PDZRN4: variants seen among roughly 807,000 people sequenced by gnomAD.
PDZRN4 encodes PDZ domain-containing RING finger protein 4.
PDZRN4 carries 70 observed loss-of-function variants against 99.0 expected under a neutral mutation model. The observed-to-expected ratio is 0.71, with a 90% CI of 0.58 to 0.86. The LOEUF (loss-of-function observed/expected upper bound fraction) is 0.86. Ranked by LOEUF, PDZRN4 falls within the 40% of genes least tolerant of loss-of-function variation. The pLI is 0.00. For synonymous variants in PDZRN4, 551 were observed against 501.6 expected (o/e 1.10, Z -1.32); for missense variants, 1,474 against 1,331.2 (o/e 1.11, Z -1.67).
At chr12:41,326,526 G>A (rs897432142) in intron 3 of PDZRN4, among the ~76,000 whole-genome samples, 11 of 152,164 alleles carry the variant, frequency 7.2e-5, no homozygotes, top group Non-Finnish European at 1.5e-4. Context: ...GAGCAAGGTT[G>A]AAGATTGAGC....
At chr12:41,431,750 A>G (rs986544753) in intron 3 of PDZRN4, among the ~76,000 whole-genome samples, 2 of 152,344 alleles carry the variant, frequency 1.3e-5, no homozygotes, top group Admixed American at 6.5e-5. Context: ...AGCAATAACT[A>G]AATGCAAATT....
At chr12:41,280,709 C>T (rs1346851040) in intron 3 of PDZRN4, among the ~76,000 whole-genome samples, 1 of 152,140 alleles carries the variant, frequency 6.6e-6, no homozygotes, top group Admixed American at 6.5e-5. Context: ...GGCAGCAGCC[C>T]CAGTCAGGGG....
intron 3 of PDZRN4, among the ~76,000 whole-genome samples, chr12:41,360,504 A>C (rs1363528615): frequency 6.6e-6 from 1 of 152,016 alleles, no homozygotes; most frequent in Non-Finnish European, 1.5e-5. Context: ...CTTTACTTTT[A>C]AAAATACCAC....
intron 5 of PDZRN4, among the ~76,000 whole-genome samples, chr12:41,541,050 G>A (rs181295008): frequency 5.9e-5 from 9 of 151,934 alleles, no homozygotes; most frequent in East Asian, 1.9e-4. Context: ...TCAGCCTCCC[G>A]AGTAGCTGGG....
rs559431713 is a variant in PDZRN4, at chr12:41,571,169, C to G, written c.1585-1195C>G. Among the ~76,000 whole-genome samples the G allele has an allele frequency of 5.2e-4, 79 of 151,944 alleles. 1 individual carries two copies. The South Asian group carries it at 0.015, about 29-fold the overall frequency. On this transcript the variant is annotated intron_variant, in intron 9 of 9. Coordinates refer to ENST00000402685, the MANE Select transcript of PDZRN4 (RefSeq NM_001164595.2). ...TCTATATATATATATAGTGAATAAA[C>G]TTAGGCATAAGGCAGATATAACCTA...
At chr12:41,514,208 G>A (rs908927220) in intron 5 of PDZRN4, among the ~76,000 whole-genome samples, 1 of 152,026 alleles carries the variant, frequency 6.6e-6, no homozygotes, top group Non-Finnish European at 1.5e-5. Context: ...TCTATAAATA[G>A]GAGTGAGCAC....
At chr12:41,349,403 C>T (rs1245905769) in intron 3 of PDZRN4, among the ~76,000 whole-genome samples, 2 of 151,604 alleles carry the variant, frequency 1.3e-5, no homozygotes, top group African/African-American at 2.4e-5. Context: ...ATAGTTAAAG[C>T]TTATAGTCAA....
intron 3 of PDZRN4, among the ~76,000 whole-genome samples, chr12:41,367,276 G>A (rs539367462): frequency 6.6e-5 from 10 of 152,182 alleles, no homozygotes; most frequent in South Asian, 6.2e-4. Context: ...TTGGGAGGCC[G>A]AGGTGGGTGG....
chr12:41,386,378 CA>C (rs35849209), intron 3 of PDZRN4, among the ~76,000 whole-genome samples: 1 of 151,820 alleles, frequency 6.6e-6, no homozygotes, highest in Non-Finnish European at 1.5e-5. Flanking sequence ...CAAACTTTGG[CA>C]AAAATTGAAT....
chr12:41,464,366 A>G (rs926228943), intron 3 of PDZRN4, among the ~76,000 whole-genome samples: 1 of 152,182 alleles, frequency 6.6e-6, no homozygotes, highest in Non-Finnish European at 1.5e-5. Flanking sequence ...TTCAAGTTCA[A>G]GTGAACAGAA....
At chr12:41,192,417 CA>C (rs1271083069) in intron 2 of PDZRN4, among the ~76,000 whole-genome samples, 2 of 152,076 alleles carry the variant, frequency 1.3e-5, no homozygotes, top group Middle Eastern at 3.4e-3. Flanking sequence ...TTGAGAAAAA[CA>C]AAAAACAACA....
chr12:41,552,644 T>C lies in PDZRN4; in HGVS notation c.1204-12T>C, dbSNP rs763860844. On this transcript the variant is annotated splice_polypyrimidine_tract_variant and intron_variant, in intron 5 of 9. Coordinates refer to ENST00000402685, the MANE Select transcript of PDZRN4 (RefSeq NM_001164595.2). ...CTGACATAAATGTCATCTGTGTGTGTTGTTCTTTCAGGAGGTCGAGTTGTG... is the reference window on the plus strand; with the variant it reads ...CTGACATAAATGTCATCTGTGTGTGCTGTTCTTTCAGGAGGTCGAGTTGTG... 29 of 1,600,874 alleles carry C rather than the reference T, an allele frequency of 1.8e-5. No homozygotes were observed. The highest frequency in any genetic ancestry group is 2.4e-5 in the Non-Finnish European group (28 of 1,168,144).
intron 3 of PDZRN4, among the ~76,000 whole-genome samples, chr12:41,473,706 C>G (rs1318405859): frequency 1.3e-5 from 2 of 152,176 alleles, no homozygotes; most frequent in Admixed American, 6.5e-5. Context: ...CTGTCTCTAT[C>G]CCCACCCACT....
chr12:41,209,619 A>G (rs918417434), intron 3 of PDZRN4, among the ~76,000 whole-genome samples: 2 of 150,872 alleles, frequency 1.3e-5, no homozygotes, highest in Non-Finnish European at 3.0e-5. Context: ...TCCTTGCGAT[A>G]GTTTGCTGAG....
At chr12:41,327,425 T>G (rs778376004) in intron 3 of PDZRN4, among the ~76,000 whole-genome samples, 1 of 152,200 alleles carries the variant, frequency 6.6e-6, no homozygotes, top group Non-Finnish European at 1.5e-5. Flanking sequence ...TGTTTGGAAT[T>G]TACAGGGAAA....
intron 3 of PDZRN4, among the ~76,000 whole-genome samples, chr12:41,261,102 C>T (rs2120830884): frequency 6.6e-6 from 1 of 152,122 alleles, no homozygotes; most frequent in Admixed American, 6.5e-5. Flanking sequence ...TTTTAAAAGA[C>T]ATAGGATTCT....
chr12:41,278,621 TA>T (rs60019285), intron 3 of PDZRN4, among the ~76,000 whole-genome samples: 3,659 of 152,276 alleles, frequency 0.024, 148 homozygotes, highest in African/African-American at 0.083. Flanking sequence ...CTTTTAATTA[TA>T]AAAACAGTCT....
chr12:41,456,921 A>G (rs1217183399), intron 3 of PDZRN4, among the ~76,000 whole-genome samples: 1 of 152,218 alleles, frequency 6.6e-6, no homozygotes, highest in African/African-American at 2.4e-5. Context: ...GGAAGGGCCA[A>G]TGGAGAAGGC....
At chr12:41,410,027 AAAG>A (rs1379723261) in intron 3 of PDZRN4, 1 of 152,364 alleles carries the variant, frequency 6.6e-6, no homozygotes, top group South Asian at 2.1e-4. Context: ...CCCTGTTTTC[AAAG>A]AAGATCACAT....
Sources: allele counts gnomAD v4.1 joint callset (sites outside exome capture counted in the v4.1 genomes callset), GRCh38; gene constraint gnomAD v4.1.1; transcripts MANE v1.5; gene names NCBI Gene and HGNC (gene_info 2026-07-23, HGNC 2026-07-21).